LRRTM3: variants seen among roughly 807,000 people sequenced by gnomAD.
LRRTM3 encodes the protein leucine rich repeat transmembrane neuronal 3.
A neutral mutation model predicts 44.7 loss-of-function variants in LRRTM3; 24 were observed. The ratio of observed to expected loss-of-function variants is 0.54; its 90% CI spans 0.39 to 0.76. The LOEUF (loss-of-function observed/expected upper bound fraction) is 0.76, where lower values mean the gene tolerates loss of function less well. Among genes scored for constraint, LRRTM3 ranks in the 30% least tolerant of loss-of-function variants. The pLI is 0.00. For synonymous variants in LRRTM3, 277 were observed against 278.7 expected (o/e 0.99, Z 0.06); for missense variants, 587 against 702.2 (o/e 0.84, Z 1.85).
chr10:67,024,685 T>C (rs112195952), intron 2 of LRRTM3, among the ~76,000 whole-genome samples: 1,962 of 152,322 alleles, frequency 0.013, 37 homozygotes, highest in African/African-American at 0.038. Flanking sequence ...AATTGGTTCA[T>C]TGATCTTGTT....
intron 2 of LRRTM3, among the ~76,000 whole-genome samples, chr10:66,977,377 A>G (rs998041822): frequency 2.6e-5 from 4 of 151,968 alleles, no homozygotes; most frequent in Admixed American, 1.3e-4. Context: ...CAGAGGTTGC[A>G]GTGAGCCAAG....
At chr10:66,931,968 CAA>C (rs1847424325) in intron 2 of LRRTM3, among the ~76,000 whole-genome samples, 1 of 152,052 alleles carries the variant, frequency 6.6e-6, no homozygotes, top group South Asian at 2.1e-4. Context: ...AATATTATAT[CAA>C]AAGAGTCAGC....
intron 2 of LRRTM3, among the ~76,000 whole-genome samples, chr10:67,021,586 T>TA (rs1349597733): frequency 6.6e-6 from 1 of 152,084 alleles, no homozygotes; most frequent in African/African-American, 2.4e-5. Context: ...TCATGAAAGT[T>TA]ATGTAGTGAT....
intron 2 of LRRTM3, among the ~76,000 whole-genome samples, chr10:66,986,581 A>C (rs1850741162): frequency 6.6e-6 from 1 of 152,168 alleles, no homozygotes. Flanking sequence ...TTCATGAGGA[A>C]ATACTCTGTA....
rs2132790779 is a variant in LRRTM3 at position 66,964,588 on chromosome 10, C to T, written c.1536+36136C>T. Among the ~76,000 whole-genome samples, 3 of 152,254 alleles carry T rather than the reference C, an allele frequency of 2.0e-5. 1 individual carries two copies. The South Asian group carries it at 6.2e-4, about 32-fold the overall frequency. ...GGGCTCTTGGGCACTTTCATCATGA[C>T]ATTTAAACAATAAATGTATCTGTCA... On this transcript the variant is annotated intron_variant, in intron 2 of 2. Transcript: ENST00000361320.
intron 2 of LRRTM3, among the ~76,000 whole-genome samples, chr10:67,008,181 T>A (rs1007403508): frequency 6.6e-6 from 1 of 152,094 alleles, no homozygotes; most frequent in Non-Finnish European, 1.5e-5. Flanking sequence ...CAGGAAAAAC[T>A]TATGCTTTAA....
chr10:66,926,751 AAAAC>A (rs1847099382), intron 1 of LRRTM3, among the ~76,000 whole-genome samples, 164 bp downstream of exon 1: 1 of 152,230 alleles, frequency 6.6e-6, no homozygotes, highest in African/African-American at 2.4e-5. Context: ...ACTATTTAAA[AAAAC>A]AAAACACTAA....
At chr10:66,994,942 C>T (rs184347172) in intron 2 of LRRTM3, among the ~76,000 whole-genome samples, 55 of 152,256 alleles carry the variant, frequency 3.6e-4, no homozygotes, top group African/African-American at 1.3e-3. Context: ...TACCACAACA[C>T]ACTGCCAAGA....
intron 2 of LRRTM3, among the ~76,000 whole-genome samples, chr10:67,029,128 T>G (rs1195716791): frequency 6.6e-6 from 1 of 152,202 alleles, no homozygotes; most frequent in Non-Finnish European, 1.5e-5. Flanking sequence ...CTCTCTACTG[T>G]TCAGCATAAT....
chr10:67,064,381 A>G (rs1323439736), intron 2 of LRRTM3, among the ~76,000 whole-genome samples: 1 of 152,184 alleles, frequency 6.6e-6, no homozygotes, highest in Non-Finnish European at 1.5e-5. Flanking sequence ...ATTTATTGCT[A>G]GTACTAGTGT....
chr10:66,985,823 G>T (rs1435893388), intron 2 of LRRTM3, among the ~76,000 whole-genome samples: 1 of 152,078 alleles, frequency 6.6e-6, no homozygotes, highest in Non-Finnish European at 1.5e-5. Flanking sequence ...CACCTCCTGG[G>T]TTCAAGCGAT....
At chr10:66,961,104 A>G (rs1849086832) in intron 2 of LRRTM3, among the ~76,000 whole-genome samples, 1 of 152,210 alleles carries the variant, frequency 6.6e-6, no homozygotes, top group Non-Finnish European at 1.5e-5. Flanking sequence ...GTTCAATAGC[A>G]AGGTCTTCTA....
At chr10:66,966,445 A>G (rs1849414169) in intron 2 of LRRTM3, among the ~76,000 whole-genome samples, 1 of 151,856 alleles carries the variant, frequency 6.6e-6, no homozygotes, top group Admixed American at 6.6e-5. Flanking sequence ...ATCATTTTAA[A>G]GAATTAATAT....
chr10:67,001,433 A>C (rs1259422110), intron 2 of LRRTM3, among the ~76,000 whole-genome samples: 8 of 151,936 alleles, frequency 5.3e-5, no homozygotes, highest in Admixed American at 5.3e-4. Context: ...AAGGTGAAGT[A>C]GGAGCTGAAG....
chr10:66,943,758 A>G (rs1487348420), intron 2 of LRRTM3, among the ~76,000 whole-genome samples: 3 of 152,224 alleles, frequency 2.0e-5, no homozygotes, highest in African/African-American at 7.2e-5. Flanking sequence ...CATAAAGTGC[A>G]TATCGCAATA....
intron 2 of LRRTM3, among the ~76,000 whole-genome samples, chr10:67,088,936 A>C (rs928891588): frequency 6.6e-6 from 1 of 152,082 alleles, no homozygotes; most frequent in African/African-American, 2.4e-5. Context: ...AAAAAATAAC[A>C]ATACAATTAA....
intron 2 of LRRTM3, among the ~76,000 whole-genome samples, chr10:66,949,816 C>G: frequency 6.8e-6 from 1 of 146,976 alleles, no homozygotes; most frequent in South Asian, 2.1e-4. Flanking sequence ...GGATAGCTTT[C>G]TCACATGTTT....
rs1858259808 is a variant in LRRTM3, at chr10:67,100,189, G to A, written c.*2393G>A. Among the ~76,000 whole-genome samples the A allele has an allele frequency of 6.6e-6, 1 of 151,564 alleles. No homozygotes were observed. The highest frequency in any genetic ancestry group is 1.5e-5 in the Non-Finnish European group (1 of 67,736). Reference sequence around the variant, plus strand: ...AGTGTATGCCCTTGATTTCCTGAAGGAAACCACTTTCTTTCTTAAATATTT... The same window carrying A: ...AGTGTATGCCCTTGATTTCCTGAAGAAAACCACTTTCTTTCTTAAATATTT... On this transcript the variant is annotated 3_prime_UTR_variant, in exon 3 of 3. Transcript: ENST00000361320.
At chr10:67,015,020 T>C (rs1323192323) in intron 2 of LRRTM3, among the ~76,000 whole-genome samples, 3 of 152,128 alleles carry the variant, frequency 2.0e-5, no homozygotes, top group East Asian at 1.9e-4. Context: ...AAACATGTTT[T>C]CTTTTCTACA....
Sources: gnomAD v4.1 joint callset for allele counts (sites outside exome capture counted in the v4.1 genomes callset) on GRCh38, gnomAD v4.1.1 for gene constraint, MANE v1.5 for transcripts, NCBI Gene and HGNC (gene_info 2026-07-23, HGNC 2026-07-21) for gene names.